The following TENM3 variants were observed in gnomAD, a reference collection of about 807,000 sequenced individuals.
TENM3 encodes teneurin-3.
Under a neutral mutation model 255.1 loss-of-function variants are expected in TENM3, and 63 were observed. The ratio of observed to expected loss-of-function variants is 0.25; its 90% CI spans 0.20 to 0.30. The LOEUF is 0.30. Among genes scored for constraint, TENM3 ranks in the 10% least tolerant of loss-of-function variants. TENM3 has a pLI of 1.00. For synonymous variants in TENM3, 1,306 were observed against 1,322.3 expected (o/e 0.99, Z 0.27); for missense variants, 2,929 against 3,461.1 (o/e 0.85, Z 3.86).
At chr4:182,729,857 A>C (rs1191672630) in intron 14 of TENM3, among the ~76,000 whole-genome samples, 2 of 152,214 alleles carry the variant, frequency 1.3e-5, no homozygotes, top group Non-Finnish European at 2.9e-5. Flanking sequence ...TTAATTGGAA[A>C]GTCTACTTTT....
At chr4:182,110,158 T>C in the TENM3 span, among the ~76,000 whole-genome samples, 1 of 150,914 alleles carries the variant, frequency 6.6e-6, no homozygotes, top group Admixed American at 6.6e-5. Context: ...TCAGTGTCCA[T>C]GAATAAAAGG....
chr4:182,251,095 C>G (rs1757985207), intron 1 of TENM3, among the ~76,000 whole-genome samples: 2 of 152,278 alleles, frequency 1.3e-5, no homozygotes, highest in African/African-American at 4.8e-5. Context: ...GGTTCGGGGC[C>G]TTAATTAAAG....
chr4:182,730,462 T>C (rs1760602920), intron 15 of TENM3, 143 bp downstream of exon 15: 4 of 880,622 alleles, frequency 4.5e-6, no homozygotes, highest in Non-Finnish European at 6.8e-6. Flanking sequence ...ACAGTACATA[T>C]GGCAGAGATT....
chr4:181,605,538 GAAAGAAAGAAAGAA>G, the TENM3 span, among the ~76,000 whole-genome samples: 4 of 22,504 alleles, frequency 1.8e-4, no homozygotes, highest in Non-Finnish European at 2.3e-4. Context: ...AAGAAAGAAA[GAAAGAAAGAAAGAA>G]AGAAAGAAAG....
chr4:182,566,219 T>C (rs921712064), intron 3 of TENM3, among the ~76,000 whole-genome samples: 1 of 152,186 alleles, frequency 6.6e-6, no homozygotes, highest in Non-Finnish European at 1.5e-5. Context: ...TTAATGTCCA[T>C]ATGGCATTTG....
intron 3 of TENM3, among the ~76,000 whole-genome samples, chr4:182,491,205 A>G (rs1735264240): frequency 6.6e-6 from 1 of 152,198 alleles, no homozygotes; most frequent in African/African-American, 2.4e-5. Context: ...TACCTCCACA[A>G]AACCATTAAC....
the TENM3 span, among the ~76,000 whole-genome samples, chr4:182,040,804 T>A: frequency 6.6e-6 from 1 of 152,156 alleles, no homozygotes; most frequent in Non-Finnish European, 1.5e-5. Context: ...TCCTCCATGG[T>A]TTTTTGTTGT....
chr4:182,561,242 T>C (rs1008642027), intron 3 of TENM3, among the ~76,000 whole-genome samples: 3 of 151,920 alleles, frequency 2.0e-5, no homozygotes, highest in Admixed American at 6.6e-5. Flanking sequence ...AAAAATTGTA[T>C]TTATGAATTC....
At chr4:181,485,712 A>G in the TENM3 span, among the ~76,000 whole-genome samples, 1 of 152,222 alleles carries the variant, frequency 6.6e-6, no homozygotes, top group East Asian at 1.9e-4. Flanking sequence ...TTAATGCTGC[A>G]TTGATGCCTA....
chr4:182,724,402 T>C (rs973350744), intron 13 of TENM3, among the ~76,000 whole-genome samples: 4 of 152,244 alleles, frequency 2.6e-5, no homozygotes, highest in Non-Finnish European at 5.9e-5. Flanking sequence ...TCTCAAGTTA[T>C]AGGAAGCCAG....
chr4:182,539,025 A>G (rs1740609929), intron 3 of TENM3, among the ~76,000 whole-genome samples: 1 of 151,932 alleles, frequency 6.6e-6, no homozygotes, highest in African/African-American at 2.4e-5. Flanking sequence ...GGTGTTATAA[A>G]GTGATCATTA....
intron 3 of TENM3, among the ~76,000 whole-genome samples, chr4:182,585,573 A>G (rs545348504): frequency 6.6e-6 from 1 of 152,272 alleles, no homozygotes; most frequent in East Asian, 1.9e-4. Context: ...CCAGGAAGAG[A>G]ACTGTCACCA....
the TENM3 span, among the ~76,000 whole-genome samples, chr4:181,652,107 T>G: frequency 6.6e-6 from 1 of 150,942 alleles, no homozygotes. Flanking sequence ...ATCCCATTTC[T>G]TTTCCCTTTT....
intron 1 of TENM3, chr4:182,190,137 G>GT (rs1218551439): frequency 6.6e-6 from 1 of 152,086 alleles, no homozygotes; most frequent in Non-Finnish European, 1.5e-5. Flanking sequence ...ATAAATTGGA[G>GT]TTTTGCTGCA....
intron 22 of TENM3, among the ~76,000 whole-genome samples, chr4:182,756,891 T>C (rs527299443): frequency 6.6e-6 from 1 of 152,312 alleles, no homozygotes; most frequent in African/African-American, 2.4e-5. Flanking sequence ...AATTGGAAGT[T>C]AATGGAAAGC....
the TENM3 span, among the ~76,000 whole-genome samples, chr4:182,061,835 G>A: frequency 0.063 from 9,596 of 151,998 alleles, 1,040 homozygotes; most frequent in African/African-American, 0.21. Flanking sequence ...GGTGTCGTGC[G>A]CTTTGTAGTT....
At chr4:181,981,816 T>C in the TENM3 span, among the ~76,000 whole-genome samples, 1 of 152,220 alleles carries the variant, frequency 6.6e-6, no homozygotes, top group Non-Finnish European at 1.5e-5. Flanking sequence ...AGTATTATTA[T>C]AATGACGGTT....
the TENM3 span, among the ~76,000 whole-genome samples, chr4:181,580,480 G>T: frequency 6.6e-6 from 1 of 152,116 alleles, no homozygotes; most frequent in Non-Finnish European, 1.5e-5. Context: ...TTACTGTCTC[G>T]CAGATGATGG....
At chr4:181,832,307 T>A in the TENM3 span, among the ~76,000 whole-genome samples, 4 of 152,308 alleles carry the variant, frequency 2.6e-5, no homozygotes, top group Admixed American at 6.5e-5. Context: ...CCAATTTTTT[T>A]AAAAGCAAAT....
Sources: allele counts gnomAD v4.1 joint callset (sites outside exome capture counted in the v4.1 genomes callset), GRCh38; gene constraint gnomAD v4.1.1; transcripts MANE v1.5; gene names NCBI Gene and HGNC (gene_info 2026-07-23, HGNC 2026-07-21).